The following CWC25 variants were observed in gnomAD, a reference collection of about 807,000 sequenced individuals.
The protein encoded by CWC25 is CWC25 spliceosome associated protein.
A neutral mutation model predicts 54.6 loss-of-function variants in CWC25; 31 were observed. The ratio of observed to expected loss-of-function variants is 0.57; its 90% CI spans 0.43 to 0.77. The LOEUF (loss-of-function observed/expected upper bound fraction) is 0.77. Among genes scored for constraint, CWC25 ranks in the 30% least tolerant of loss-of-function variants. CWC25 has a pLI of 0.00. For synonymous variants in CWC25, 151 were observed against 187.0 expected, an observed-to-expected ratio of 0.81 and a Z score of 1.57; for missense variants, 453 against 529.3, an observed-to-expected ratio of 0.86 and a Z score of 1.41.
rs182944198 is a variant in CWC25 at position 38,800,785 on chromosome 17, T to C, written c.*1307A>G. 0.016 allele frequency: 2,402 copies of C among 152,246 alleles called. 52 individuals are homozygous for C. The highest frequency in any genetic ancestry group is 0.056 in the Admixed American group (851 of 15,268). The allele number at this position is 152,246 out of a possible 1,614,324, so 9.4% of individuals were successfully genotyped here. ...GAGTGGCCCCTCGAGGGTTTTGTTT[T>C]GTTGCTGTTGTTTTTTGAGACGGAA... On this transcript the variant is annotated 3_prime_UTR_variant, in exon 10 of 10. Transcript: ENST00000614790.
chr17:38,802,294 C>A (rs1348053135), intron 9 of CWC25, 88 bp from the exon 10 acceptor site: 8 of 861,182 alleles, frequency 9.3e-6, no homozygotes, highest in African/African-American at 8.4e-5. Flanking sequence ...GGGTTGTTAG[C>A]CATAGAGCAG....
chr17:38,824,888 C>T (rs1200022114), intron 1 of CWC25, among the ~76,000 whole-genome samples: 1 of 152,120 alleles, frequency 6.6e-6, no homozygotes, highest in Non-Finnish European at 1.5e-5. Flanking sequence ...TCCATCCGCC[C>T]CCTCCCCGGT....
In CWC25 at chr17:38,809,756, C is replaced by A. The variant is rs1254679236; in HGVS notation, c.636G>T (p.Lys212Asn). 3 of 1,613,808 alleles carry A rather than the reference C, an allele frequency of 1.9e-6. No homozygotes were observed. In the Admixed American group the frequency reaches 5.0e-5, roughly 27 times the overall value. ...EDEHSAGRSQ[K>N]KMANSSPVLS... Reference sequence around the variant, plus strand: ...AAACAGGGGAGGAATTTGCCATCTTCTTCTGTGATCTAAGAGATCAAAATA... The same window carrying A: ...AAACAGGGGAGGAATTTGCCATCTTATTCTGTGATCTAAGAGATCAAAATA... The change falls in exon 6 of 10, where the codon AAG becomes AAT. Residue 212 changes from lysine to asparagine, a missense_variant. Around this residue, in one of 2 missense-constraint regions of CWC25, gnomAD observed 444 missense variants for 499.2 expected, o/e 0.89. Transcript: ENST00000614790.
chr17:38,806,872 G>A lies in CWC25; in HGVS notation c.795C>T (p.His265=), dbSNP rs570651573. 1 of 1,613,914 alleles carries A rather than the reference G, an allele frequency of 6.2e-7. No individual in the cohort carries two copies. The highest frequency in any genetic ancestry group is 8.5e-7 in the Non-Finnish European group (1 of 1,179,876). Residue 265 remains histidine (H), a synonymous_variant, in exon 7 of 10, where the codon CAC becomes CAT. Transcript: ENST00000614790. ...TCTTGCTGGCATGTCTTGGGGGTGA[G>A]TGGGAGGAGCTTCTGGATCTGGAAT... ...KNHSRSRSSS[H]SPPRHASKKS...
Position 38,806,799 on chromosome 17 carries a change from C to G in CWC25, c.868G>C (p.Gly290Arg), listed in dbSNP as rs752271975. Residue 290 changes from glycine (G) to arginine (R), a missense_variant, in exon 7 of 10, where the codon GGC (glycine) becomes CGC (arginine). Coordinates refer to ENST00000614790, the MANE Select transcript of CWC25 (RefSeq NM_017748.5). ...GGTCTTGGGGACCGTGACCTTCTGC[C>G]CAGGGATCGAGACCTCCTGTCCCGG... is the stretch of plus-strand genomic sequence containing the variant. ...GSRDRRSRSL[G>R]RRSRSPRPSK... 6 of 1,608,308 alleles carry G rather than the reference C, an allele frequency of 3.7e-6. No homozygotes were observed. Among genetic ancestry groups the G allele is most frequent in the South Asian group, 1.1e-5 (1 of 90,544 alleles).
intron 3 of CWC25, among the ~76,000 whole-genome samples, chr17:38,814,044 G>A (rs1911597968): frequency 6.6e-6 from 1 of 151,478 alleles, no homozygotes; most frequent in African/African-American, 2.4e-5. Flanking sequence ...TGTATTTTTA[G>A]TAGAGACGGG....
At chr17:38,825,110 C>G (rs907712093) in intron 1 of CWC25, 56 bp downstream of exon 1, 100 of 1,436,788 alleles carry the variant, frequency 7.0e-5, no homozygotes, top group Non-Finnish European at 8.3e-5. Flanking sequence ...CCCCCACCCC[C>G]TGCCAATTTC....
intron 2 of CWC25, chr17:38,815,698 T>A: frequency 2.3e-6 from 3 of 1,278,668 alleles, no homozygotes; most frequent in Non-Finnish European, 3.0e-6. Context: ...TTCTCGAGTC[T>A]CCTTTACAGA....
intron 3 of CWC25, 145 bp downstream of exon 3, chr17:38,814,716 A>G: frequency 1.5e-6 from 1 of 664,008 alleles, no homozygotes; most frequent in Non-Finnish European, 2.5e-6. Context: ...ACTGCACTTC[A>G]GCCTGGGCGA....
At position 38,802,857 on chromosome 17, in the gene CWC25, G is replaced by C; in HGVS notation, c.1006C>G (p.Leu336Val). Residue 336 changes from leucine to valine, a missense_variant, in exon 9 of 10, where the codon CTC becomes GTC. This residue lies in a region of CWC25 where 444 missense variants were observed against 499.2 expected (regional missense o/e 0.89). Coordinates refer to ENST00000614790, the MANE Select transcript of CWC25 (RefSeq NM_017748.5). ...RRHAPGYTRKLSAEELERKRQ... is the reference protein window; with the variant it reads ...RRHAPGYTRKVSAEELERKRQ... ...TTTCGCTCTAATTCCTCTGCAGAGA[G>C]TTTTCTGTTGAGCACAGAAACCATA... 6.2e-7 allele frequency: 1 copy of C among 1,613,894 alleles called. No homozygotes were observed.
chr17:38,810,295 C>T, intron 5 of CWC25, 173 bp downstream of exon 5: 1 of 647,780 alleles, frequency 1.5e-6, no homozygotes, highest in Non-Finnish European at 2.6e-6. Context: ...CTCCAAGGAA[C>T]TCTAGCATTA....
chr17:38,815,228 G>T, intron 2 of CWC25, 131 bp from the exon 3 acceptor site: 2 of 779,744 alleles, frequency 2.6e-6, no homozygotes, highest in Non-Finnish European at 2.1e-6. Context: ...CACCTACCAT[G>T]CAATAAACAC....
chr17:38,814,915 T>G lies in CWC25; in HGVS notation c.374A>C (p.Asn125Thr). Reference protein sequence around the residue: ...PGSIFAPSGANSLLDMASKIR... With the variant: ...PGSIFAPSGATSLLDMASKIR... Reference sequence around the variant, plus strand: ...CTTGCTGGCCATGTCAAGAAGGGAATTGGCACCTGATGGGGCAAAGATAGA... The same window carrying G: ...CTTGCTGGCCATGTCAAGAAGGGAAGTGGCACCTGATGGGGCAAAGATAGA... The change falls in exon 3 of 10, where the codon AAT becomes ACT. Residue 125 changes from asparagine to threonine, a missense_variant. This residue lies in a region of CWC25 where 444 missense variants were observed against 499.2 expected (regional missense o/e 0.89). Coordinates refer to ENST00000614790, the MANE Select transcript of CWC25 (RefSeq NM_017748.5). 6.2e-7 allele frequency: 1 copy of G among 1,613,432 alleles called. No homozygotes were observed. Among genetic ancestry groups the G allele is most frequent in the East Asian group, 2.2e-5 (1 of 44,840 alleles).
intron 4 of CWC25, 144 bp from the exon 5 acceptor site, chr17:38,810,739 A>G: frequency 1.5e-6 from 1 of 647,736 alleles, no homozygotes; most frequent in South Asian, 1.7e-5. Context: ...CCTGGCCAAC[A>G]TGGCAAAACC....
At chr17:38,815,509 G>A (rs368588237) in intron 2 of CWC25, 29 of 473,222 alleles carry the variant, frequency 6.1e-5, no homozygotes, top group East Asian at 5.4e-4. Context: ...GTAAGATCAC[G>A]CCACTGCACT....
intron 6 of CWC25, among the ~76,000 whole-genome samples, chr17:38,807,218 A>G (rs228248): frequency 0.15 from 19,479 of 131,354 alleles, 1,992 homozygotes; most frequent in Admixed American, 0.2. Flanking sequence ...AGCTACTCAG[A>G]AGGCTGAGGC....
chr17:38,806,975 A>T lies in CWC25; in HGVS notation c.692T>A (p.Val231Asp). The T allele has an allele frequency of 6.2e-7, 1 of 1,605,764 alleles. No individual in the cohort carries two copies. The highest frequency in any genetic ancestry group is 1.1e-5 in the South Asian group (1 of 90,362). The change falls in exon 7 of 10, where the codon GTC (valine) becomes GAC (aspartate). Residue 231 changes from valine (V) to aspartate (D), a missense_variant and splice_region_variant. Val to Asp is a radical substitution (Grantham distance 152). Coordinates refer to ENST00000614790, the MANE Select transcript of CWC25 (RefSeq NM_017748.5). ...LSKVPGYGLQ[V>D]RNSDRNQGLQ... is the part of the protein sequence containing the mutation. Reference sequence around the variant, plus strand: ...ACCCTGGTTACGGTCAGAGTTCCGGACCTACATCATTAAGGAAAAGAGAAG... The same window carrying T: ...ACCCTGGTTACGGTCAGAGTTCCGGTCCTACATCATTAAGGAAAAGAGAAG...
At chr17:38,813,964 C>G (rs1418114023) in intron 3 of CWC25, among the ~76,000 whole-genome samples, 1 of 152,046 alleles carries the variant, frequency 6.6e-6, no homozygotes, top group African/African-American at 2.4e-5. Context: ...CGGGTTCATG[C>G]CATTCTCCTG....
intron 4 of CWC25, among the ~76,000 whole-genome samples, chr17:38,811,090 G>A (rs1300648359): frequency 6.6e-6 from 1 of 151,650 alleles, no homozygotes; most frequent in African/African-American, 2.4e-5. Flanking sequence ...AATTAGCTGG[G>A]TGTGGTGGTG....
Sources: allele counts gnomAD v4.1 joint callset (sites outside exome capture counted in the v4.1 genomes callset), GRCh38; gene constraint gnomAD v4.1.1; regional missense constraint gnomAD v4.1.1; transcripts MANE v1.5; gene names NCBI Gene and HGNC (gene_info 2026-07-23, HGNC 2026-07-21).